The following PACRG variants were observed in gnomAD, a reference collection of about 807,000 sequenced individuals.
The protein encoded by PACRG is parkin coregulated gene protein.
In PACRG, 29 loss-of-function variants were observed where a neutral mutation model predicts 29.7. That is an observed-to-expected ratio of 0.98 (90% CI 0.73 to 1.33). The LOEUF (loss-of-function observed/expected upper bound fraction) is 1.33, where lower values mean the gene tolerates loss of function less well. Among genes scored for constraint, PACRG ranks in the 40% most tolerant of loss-of-function variants. The pLI is 0.00. For missense variants in PACRG, 279 were observed against 316.2 expected (o/e 0.88, Z 0.89); for synonymous variants, 116 against 118.7 (o/e 0.98, Z 0.15).
At chr6:163,159,289 TTA>T (rs990353511) in intron 4 of PACRG, among the ~76,000 whole-genome samples, 1 of 148,368 alleles carries the variant, frequency 6.7e-6, no homozygotes, top group Non-Finnish European at 1.5e-5. Context: ...AATCTATTAT[TTA>T]TATATGTTAT....
At chr6:163,128,881 G>A (rs370361278) in intron 4 of PACRG, among the ~76,000 whole-genome samples, 17 of 152,134 alleles carry the variant, frequency 1.1e-4, no homozygotes, top group African/African-American at 3.1e-4. Context: ...TCTAAAGAAC[G>A]TATAATAAAA....
At chr6:162,963,677 A>G (rs1800811444) in intron 2 of PACRG, among the ~76,000 whole-genome samples, 1 of 150,824 alleles carries the variant, frequency 6.6e-6, no homozygotes, top group Non-Finnish European at 1.5e-5. Flanking sequence ...TATACATTTT[A>G]CATATACTTT....
intron 4 of PACRG, among the ~76,000 whole-genome samples, chr6:163,210,634 G>T (rs1455321439): frequency 6.6e-6 from 1 of 152,218 alleles, no homozygotes; most frequent in African/African-American, 2.4e-5. Flanking sequence ...AACGCATACT[G>T]AAGCAGCCAC....
At chr6:162,943,946 G>T (rs1798813233) in intron 2 of PACRG, among the ~76,000 whole-genome samples, 1 of 152,116 alleles carries the variant, frequency 6.6e-6, no homozygotes, top group African/African-American at 2.4e-5. Context: ...TGCCATCCAG[G>T]TGCCTGAGGA....
At chr6:163,035,829 A>C (rs1049790307) in intron 2 of PACRG, among the ~76,000 whole-genome samples, 14 of 151,290 alleles carry the variant, frequency 9.3e-5, no homozygotes, top group Non-Finnish European at 1.3e-4. Flanking sequence ...AAAAAAAAAA[A>C]AAAAACAAAG....
chr6:162,904,736 A>G (rs1203833535), intron 2 of PACRG, among the ~76,000 whole-genome samples: 2 of 152,226 alleles, frequency 1.3e-5, no homozygotes, highest in Admixed American at 6.5e-5. Flanking sequence ...GTAGTGAGCA[A>G]GAGAAACCCA....
At chr6:163,308,022 C>A (rs149295358) in intron 4 of PACRG, among the ~76,000 whole-genome samples, 17 of 152,268 alleles carry the variant, frequency 1.1e-4, no homozygotes, top group Non-Finnish European at 2.5e-4. Context: ...TCAGTCCAAG[C>A]TAACCCAAAC....
At chr6:163,035,252 C>T (rs1203806471) in intron 2 of PACRG, among the ~76,000 whole-genome samples, 1 of 152,160 alleles carries the variant, frequency 6.6e-6, no homozygotes, top group Non-Finnish European at 1.5e-5. Flanking sequence ...GTGGCTCATG[C>T]CCATAAACTC....
chr6:162,778,810 G>A (rs1783855797), intron 1 of PACRG, among the ~76,000 whole-genome samples: 1 of 152,260 alleles, frequency 6.6e-6, no homozygotes, highest in South Asian at 2.1e-4. Context: ...CTGGGCCTGT[G>A]TGGCGCTCAG....
chr6:163,146,328 G>A (rs1243009086), intron 4 of PACRG, among the ~76,000 whole-genome samples: 1 of 152,130 alleles, frequency 6.6e-6, no homozygotes, highest in East Asian at 1.9e-4. Context: ...ACTTACCCTG[G>A]TGCCTTCTGT....
At chr6:163,013,344 T>G (rs1805791707) in intron 2 of PACRG, among the ~76,000 whole-genome samples, 1 of 152,078 alleles carries the variant, frequency 6.6e-6, no homozygotes, top group African/African-American at 2.4e-5. Flanking sequence ...GTAAAAGTTT[T>G]GCTGCCATTA....
At chr6:162,767,734 A>G (rs1782907815) in intron 1 of PACRG, among the ~76,000 whole-genome samples, 1 of 151,880 alleles carries the variant, frequency 6.6e-6, no homozygotes. Flanking sequence ...AAAAATTATT[A>G]TTTTTAACTG....
In PACRG at chr6:163,194,090, G is replaced by A. The variant is rs185282081; in HGVS notation, c.613+104682G>A. On this transcript the variant is annotated intron_variant, in intron 4 of 4. Transcript: ENST00000366888. ...GTATTTTTAGTAGAGACAGGGTTTTGCCATGTTGGCCAGGCTGGTCTCAAA... is the reference window on the plus strand; with the variant it reads ...GTATTTTTAGTAGAGACAGGGTTTTACCATGTTGGCCAGGCTGGTCTCAAA... Among the ~76,000 whole-genome samples the A allele has an allele frequency of 2.3e-4, 35 of 151,980 alleles. No individual in the cohort carries two copies. The Middle Eastern group carries it at 0.014, about 59-fold the overall frequency.
chr6:162,773,752 T>C (rs1250300249), intron 1 of PACRG, among the ~76,000 whole-genome samples: 1 of 151,962 alleles, frequency 6.6e-6, no homozygotes, highest in East Asian at 1.9e-4. Flanking sequence ...CCTGACCTCA[T>C]GATCCACCCG....
chr6:162,757,393 G>A (rs1348209857), intron 1 of PACRG, among the ~76,000 whole-genome samples: 1 of 152,186 alleles, frequency 6.6e-6, no homozygotes, highest in Non-Finnish European at 1.5e-5. Context: ...GCTCACGCCT[G>A]TAATCCCAGC....
chr6:163,036,708 C>T (rs1320407026), intron 2 of PACRG, among the ~76,000 whole-genome samples: 1 of 152,206 alleles, frequency 6.6e-6, no homozygotes, highest in African/African-American at 2.4e-5. Context: ...AGGTCTGAAA[C>T]CAACACTTGC....
chr6:163,031,922 C>A (rs1030404005), intron 2 of PACRG, among the ~76,000 whole-genome samples: 2 of 152,182 alleles, frequency 1.3e-5, no homozygotes, highest in Non-Finnish European at 2.9e-5. Flanking sequence ...ATTGGCTCTA[C>A]AAGTCAAGTT....
At chr6:163,240,613 C>T (rs567239010) in intron 4 of PACRG, among the ~76,000 whole-genome samples, 2 of 152,260 alleles carry the variant, frequency 1.3e-5, no homozygotes, top group South Asian at 4.1e-4. Flanking sequence ...GGGCTGCGTT[C>T]TCACTTTCAC....
At chr6:163,261,704 C>G (rs968446728) in intron 4 of PACRG, among the ~76,000 whole-genome samples, 1 of 152,170 alleles carries the variant, frequency 6.6e-6, no homozygotes, top group African/African-American at 2.4e-5. Flanking sequence ...GGAAAATATG[C>G]CTGTACTGAA....
Sources: allele counts gnomAD v4.1 joint callset (sites outside exome capture counted in the v4.1 genomes callset), GRCh38; gene constraint gnomAD v4.1.1; transcripts MANE v1.5; gene names NCBI Gene and HGNC (gene_info 2026-07-23, HGNC 2026-07-21).